The following RABGAP1 variants were observed in gnomAD, a reference collection of about 807,000 sequenced individuals.
RABGAP1 encodes rab GTPase-activating protein 1.
In RABGAP1, 23 loss-of-function variants were observed where a neutral mutation model predicts 137.6. That is an observed-to-expected ratio of 0.17 (90% CI 0.12 to 0.24). The LOEUF (loss-of-function observed/expected upper bound fraction) is 0.24. Among genes scored for constraint, RABGAP1 ranks in the 10% least tolerant of loss-of-function variants. The pLI is 1.00. For synonymous variants in RABGAP1, 451 were observed against 450.7 expected, an observed-to-expected ratio of 1.00 and a Z score of -0.01; for missense variants, 906 against 1,275.8, an observed-to-expected ratio of 0.71 and a Z score of 4.42.
At chr9:122,955,133 C>T (rs1303441083) in intron 1 of RABGAP1, among the ~76,000 whole-genome samples, 1 of 152,102 alleles carries the variant, frequency 6.6e-6, no homozygotes, top group Non-Finnish European at 1.5e-5. Context: ...AGTGAGGGAA[C>T]CACTTCAGGA....
intron 3 of RABGAP1, among the ~76,000 whole-genome samples, chr9:122,985,193 T>C (rs1836304199): frequency 6.6e-6 from 1 of 152,184 alleles, no homozygotes; most frequent in South Asian, 2.1e-4. Flanking sequence ...CTTAAAAGAC[T>C]CATTTGGAAA....
At chr9:123,065,809 T>TTGGCACC (rs1161731682) in intron 14 of RABGAP1, among the ~76,000 whole-genome samples, 3 of 152,204 alleles carry the variant, frequency 2.0e-5, no homozygotes, top group African/African-American at 7.2e-5. Flanking sequence ...AGTGATGAAC[T>TTGGCACC]TGGCACCTAC....
At chr9:122,956,526 T>C (rs1163769748) in intron 1 of RABGAP1, among the ~76,000 whole-genome samples, 2 of 152,036 alleles carry the variant, frequency 1.3e-5, no homozygotes, top group African/African-American at 4.8e-5. Context: ...GGCAGGCACC[T>C]GTAGTCCTAG....
At chr9:123,057,636 C>A (rs1018995535) in intron 13 of RABGAP1, among the ~76,000 whole-genome samples, 1 of 152,326 alleles carries the variant, frequency 6.6e-6, no homozygotes, top group Middle Eastern at 3.4e-3. Flanking sequence ...ACGCTCCTCA[C>A]TTCCCAGACA....
intron 25 of RABGAP1, among the ~76,000 whole-genome samples, chr9:123,102,614 A>G (rs1256260648): frequency 1.3e-5 from 2 of 152,088 alleles, no homozygotes; most frequent in African/African-American, 4.8e-5. Flanking sequence ...AGGCAGAGGG[A>G]GTGGCATGTT....
At chr9:122,944,181 A>G (rs563843723) in intron 1 of RABGAP1, among the ~76,000 whole-genome samples, 1 of 152,178 alleles carries the variant, frequency 6.6e-6, no homozygotes, top group Non-Finnish European at 1.5e-5. Flanking sequence ...CAATATAATC[A>G]GGTATCAGTA....
chr9:122,960,678 A>C (rs1455951939), intron 2 of RABGAP1, among the ~76,000 whole-genome samples: 1 of 152,216 alleles, frequency 6.6e-6, no homozygotes, highest in East Asian at 1.9e-4. Context: ...CAAGCTACAG[A>C]TACTGCCTGT....
chr9:122,945,147 C>CCTTTTTTTTTTTTTTTTTTTT (rs1833871783), intron 1 of RABGAP1, among the ~76,000 whole-genome samples: 1 of 75,772 alleles, frequency 1.3e-5, no homozygotes, highest in Non-Finnish European at 2.9e-5. Context: ...ATAGCTGTTG[C>CCTTTTTTTTTTTTTTTTTTTT]TTTTTTTTTT....
chr9:122,959,581 A>G (rs778584590), intron 2 of RABGAP1, among the ~76,000 whole-genome samples: 2 of 152,214 alleles, frequency 1.3e-5, no homozygotes, highest in Non-Finnish European at 2.9e-5. Context: ...ACATTTATTC[A>G]AGAAAATTCA....
chr9:123,016,448 A>T (rs2031235541), intron 12 of RABGAP1, among the ~76,000 whole-genome samples: 1 of 152,310 alleles, frequency 6.6e-6, no homozygotes, highest in Admixed American at 6.5e-5. Flanking sequence ...TTGAGGCTGC[A>T]GTGAGCCTTG....
chr9:123,044,860 C>G (rs1316284772), intron 13 of RABGAP1, among the ~76,000 whole-genome samples: 1 of 152,008 alleles, frequency 6.6e-6, no homozygotes, highest in Non-Finnish European at 1.5e-5. Flanking sequence ...TCTCCTCACC[C>G]CAGACCCCCT....
chr9:122,984,159 A>G (rs1836240017), intron 2 of RABGAP1, among the ~76,000 whole-genome samples: 1 of 152,208 alleles, frequency 6.6e-6, no homozygotes, highest in African/African-American at 2.4e-5. Context: ...GTTATTTCTT[A>G]TCAGACAAAA....
intron 9 of RABGAP1, among the ~76,000 whole-genome samples, chr9:122,998,251 C>T (rs1448878004): frequency 6.6e-6 from 1 of 152,048 alleles, no homozygotes. Flanking sequence ...AGGCATGTGC[C>T]AACATACCTG....
Position 123,101,065 on chromosome 9 carries a change from T to C in RABGAP1, c.2890-501T>C, listed in dbSNP as rs950544631. On this transcript the variant is annotated intron_variant, in intron 24 of 25. Coordinates refer to ENST00000373647, the MANE Select transcript of RABGAP1 (RefSeq NM_012197.4). ...AATGGCATCTTATTTTGATGAAATG[T>C]GGAATACATTTTATTTGTAATCATA... Among the ~76,000 whole-genome samples the C allele has an allele frequency of 2.6e-5, 4 of 152,230 alleles. No individual in the cohort carries two copies. The South Asian group carries it at 8.3e-4, about 31-fold the overall frequency.
At chr9:122,932,678 C>G in the RABGAP1 span, among the ~76,000 whole-genome samples, 1 of 151,978 alleles carries the variant, frequency 6.6e-6, no homozygotes, top group Non-Finnish European at 1.5e-5. Context: ...TACAGGCATG[C>G]GCCACCACAC....
chr9:123,041,269 G>A (rs951720245), intron 13 of RABGAP1, among the ~76,000 whole-genome samples: 2 of 152,084 alleles, frequency 1.3e-5, no homozygotes, highest in Non-Finnish European at 2.9e-5. Context: ...GGAAGATCTG[G>A]GATTCAAATC....
intron 19 of RABGAP1, among the ~76,000 whole-genome samples, chr9:123,077,681 ATTGT>A (rs1242706195): frequency 7.8e-6 from 1 of 127,682 alleles, no homozygotes; most frequent in Non-Finnish European, 1.7e-5. Flanking sequence ...ATTGTATTGT[ATTGT>A]ATTGTATTTA....
At chr9:123,057,918 C>T (rs1483534117) in intron 13 of RABGAP1, among the ~76,000 whole-genome samples, 1 of 152,172 alleles carries the variant, frequency 6.6e-6, no homozygotes, top group Non-Finnish European at 1.5e-5. Flanking sequence ...TCAGGCGTGG[C>T]GGCGCGCGCC....
At chr9:122,997,559 TC>T (rs1837094184) in intron 9 of RABGAP1, among the ~76,000 whole-genome samples, 198 bp downstream of exon 9, 2 of 146,492 alleles carry the variant, frequency 1.4e-5, no homozygotes, top group Admixed American at 7.1e-5. Flanking sequence ...ATCCTTTTTT[TC>T]ATTTTTTCCT....
Sources: gnomAD v4.1 joint callset for allele counts (sites outside exome capture counted in the v4.1 genomes callset) on GRCh38, gnomAD v4.1.1 for gene constraint, MANE v1.5 for transcripts, NCBI Gene and HGNC (gene_info 2026-07-23, HGNC 2026-07-21) for gene names.